Variants in IGFBP2 observed in about 807,000 individuals in gnomAD.
IGFBP2 encodes the protein insulin like growth factor binding protein 2.
In IGFBP2, 12 loss-of-function variants were observed where a neutral mutation model predicts 26.2. The ratio of observed to expected loss-of-function variants is 0.46; its 90% confidence interval spans 0.29 to 0.74. The LOEUF (loss-of-function observed/expected upper bound fraction) is 0.74, where lower values mean the gene tolerates loss of function less well. IGFBP2 is among the 30% of genes least tolerant of loss of function. The probability of loss-of-function intolerance (pLI) is 0.09; values close to 1 mark genes in which losing one functional copy is unlikely to be tolerated. For missense variants in IGFBP2, 328 were observed against 441.2 expected (o/e 0.74, Z 2.30); for synonymous variants, 189 against 200.6 (o/e 0.94, Z 0.49).
intron 1 of IGFBP2, among the ~76,000 whole-genome samples, chr2:216,659,256 C>T (rs1352327856): frequency 6.6e-6 from 1 of 152,166 alleles, no homozygotes; most frequent in Non-Finnish European, 1.5e-5. Context: ...AAGAGGTGCC[C>T]CCTCCCTTAG....
chr2:216,637,157 G>A (rs1697515506), intron 1 of IGFBP2, among the ~76,000 whole-genome samples: 1 of 152,148 alleles, frequency 6.6e-6, no homozygotes, highest in Non-Finnish European at 1.5e-5. Flanking sequence ...GAAATGAGTG[G>A]GATCTACTGT....
intron 1 of IGFBP2, among the ~76,000 whole-genome samples, chr2:216,644,435 C>T (rs1269472891): frequency 6.6e-6 from 1 of 152,132 alleles, no homozygotes; most frequent in East Asian, 1.9e-4. Flanking sequence ...ATTCAAGGAA[C>T]TGAGCTCTCT....
At chr2:216,640,927 A>ACAAGAAGGT (rs1697600894) in intron 1 of IGFBP2, among the ~76,000 whole-genome samples, 1 of 152,146 alleles carries the variant, frequency 6.6e-6, no homozygotes, top group Non-Finnish European at 1.5e-5. Context: ...GTCAAGAGGG[A>ACAAGAAGGT]CAAGAAGGTC....
chr2:216,634,906 T>TTTTTTTTTTTTTTTTA lies in IGFBP2; in HGVS notation c.442+941_442+942insTTTTTTTTTTTTTTTA, dbSNP rs371560018. Among the ~76,000 whole-genome samples, 1,024 of 128,438 alleles carry TTTTTTTTTTTTTTTTA rather than the reference T, an allele frequency of 8.0e-3. 36 individuals carry two copies. The highest frequency in any genetic ancestry group is 0.024 in the African/African-American group (853 of 35,350). The allele number at this position is 128,438 out of a possible 152,430, so 84.3% of individuals were successfully genotyped here. On this transcript the variant is annotated intron_variant, in intron 1 of 3. Transcript: ENST00000233809. ...TAAGGAGGTTACTTTTTTTTTTTTT[T>TTTTTTTTTTTTTTTTA]AATTACGAAAGCCTCCTGCCCCAGT...
At chr2:216,655,201 C>T (rs1416286930) in intron 1 of IGFBP2, among the ~76,000 whole-genome samples, 2 of 152,132 alleles carry the variant, frequency 1.3e-5, no homozygotes, top group African/African-American at 4.8e-5. Flanking sequence ...TGTGCATCAC[C>T]ATGCCTGGCT....
chr2:216,661,684 A>G, intron 2 of IGFBP2, 174 bp from the exon 3 acceptor site: 1 of 726,906 alleles, frequency 1.4e-6, no homozygotes, highest in Non-Finnish European at 2.4e-6. Flanking sequence ...GGCACCCAGC[A>G]TGGCAGGGAG....
chr2:216,652,487 T>C (rs1241275823), intron 1 of IGFBP2, among the ~76,000 whole-genome samples: 2 of 152,334 alleles, frequency 1.3e-5, no homozygotes, highest in East Asian at 3.9e-4. Context: ...CTTAGCAGAA[T>C]TGTTAATATC....
rs866452941 is a variant in IGFBP2, at chr2:216,664,340, G to A, written c.*236G>A. The stretch of plus-strand genomic sequence containing the variant: ...CCGGGGGAGGAAGGGGGTTGTGGTC[G>A]GGGAGCTGGGGTACAGGTTTGGGGA... On this transcript the variant is annotated 3_prime_UTR_variant, in exon 4 of 4. Coordinates refer to ENST00000233809, the MANE Select transcript of IGFBP2 (RefSeq NM_000597.3). This position sits in a 1 kb window ranked among gnomAD's most constrained non-coding sequence, Gnocchi z 4.6. 14 of 406,708 alleles carry A rather than the reference G, an allele frequency of 3.4e-5. No homozygotes were observed. In the South Asian group the frequency reaches 7.5e-4, roughly 22 times the overall value. The allele number at this position is 406,708 out of a possible 1,614,324, so 25.2% of individuals were successfully genotyped here.
intron 1 of IGFBP2, among the ~76,000 whole-genome samples, chr2:216,650,864 G>T (rs1697805529): frequency 6.6e-6 from 1 of 152,190 alleles, no homozygotes; most frequent in Non-Finnish European, 1.5e-5. Context: ...AGGATATCAG[G>T]TGTTGCATGG....
intron 1 of IGFBP2, among the ~76,000 whole-genome samples, chr2:216,635,202 T>G (rs1465492642): frequency 6.6e-6 from 1 of 152,066 alleles, no homozygotes; most frequent in African/African-American, 2.4e-5. Flanking sequence ...GTTGAAATCT[T>G]TCTTCTGTTT....
chr2:216,642,456 G>A (rs1417906720), intron 1 of IGFBP2, among the ~76,000 whole-genome samples: 1 of 150,586 alleles, frequency 6.6e-6, no homozygotes, highest in Non-Finnish European at 1.5e-5. Context: ...ACAGGCGCAC[G>A]CCGCCACGCT....
At chr2:216,643,750 G>A (rs373906429) in intron 1 of IGFBP2, among the ~76,000 whole-genome samples, 2 of 152,144 alleles carry the variant, frequency 1.3e-5, no homozygotes, top group East Asian at 1.9e-4. Context: ...AGCTCTCCTG[G>A]GCTGCAGGTT....
chr2:216,662,122 C>T, intron 3 of IGFBP2, 124 bp downstream of exon 3: 1 of 1,114,262 alleles, frequency 9.0e-7, no homozygotes, highest in Non-Finnish European at 1.3e-6. Context: ...GACTCAGACT[C>T]CTGTCACCAT....
chr2:216,656,532 G>A (rs891358899), intron 1 of IGFBP2, among the ~76,000 whole-genome samples: 2 of 152,216 alleles, frequency 1.3e-5, no homozygotes, highest in African/African-American at 2.4e-5. Context: ...ATTTGGCAAC[G>A]AATGAAGACA....
At position 216,633,465 on chromosome 2, in the gene IGFBP2, C is replaced by A; in HGVS notation, c.-59C>A. ...GGCTCCCGCGCTCGCAGGGCCGTGCCACCTGCCCGCCCGCCCGCTCGCTCG... is the reference window on the plus strand; with the variant it reads ...GGCTCCCGCGCTCGCAGGGCCGTGCAACCTGCCCGCCCGCCCGCTCGCTCG... On this transcript the variant is annotated 5_prime_UTR_variant, in exon 1 of 4. Transcript: ENST00000233809. 2.7e-6 allele frequency: 1 copy of A among 366,194 alleles called. No homozygotes were observed. Among genetic ancestry groups the A allele is most frequent in the Non-Finnish European group, 3.8e-6 (1 of 261,440 alleles). The allele number at this position is 366,194 out of a possible 1,614,324, so 22.7% of individuals were successfully genotyped here.
intron 1 of IGFBP2, among the ~76,000 whole-genome samples, chr2:216,647,604 C>T (rs1305328886): frequency 6.6e-6 from 1 of 152,204 alleles, no homozygotes; most frequent in East Asian, 1.9e-4. Flanking sequence ...ACCGCAAGCT[C>T]CGCCTCCCGG....
chr2:216,648,102 G>GA (rs1697751726), intron 1 of IGFBP2, among the ~76,000 whole-genome samples: 1 of 152,198 alleles, frequency 6.6e-6, no homozygotes, highest in Non-Finnish European at 1.5e-5. Context: ...TCTTTCTTAT[G>GA]AAATTCTTGG....
At chr2:216,652,960 C>G (rs1387685599) in intron 1 of IGFBP2, among the ~76,000 whole-genome samples, 3 of 152,078 alleles carry the variant, frequency 2.0e-5, no homozygotes, top group African/African-American at 7.2e-5. Flanking sequence ...CAACCCTGCT[C>G]TTAGATTTTA....
intron 1 of IGFBP2, among the ~76,000 whole-genome samples, chr2:216,654,572 T>C (rs1324883662): frequency 6.6e-6 from 1 of 152,240 alleles, no homozygotes; most frequent in African/African-American, 2.4e-5. Flanking sequence ...CAATGCTTTC[T>C]GATCTCTGCC....
Sources: gnomAD v4.1 joint callset for allele counts (sites outside exome capture counted in the v4.1 genomes callset) on GRCh38, gnomAD v4.1.1 for gene constraint, Gnocchi (gnomAD v3.1) non-coding constraint, MANE v1.5 for transcripts, NCBI Gene and HGNC (gene_info 2026-07-23, HGNC 2026-07-21) for gene names.